Variants in GLP2R observed in about 807,000 individuals in gnomAD.
GLP2R encodes the protein glucagon-like peptide 2 receptor.
In GLP2R, 59 loss-of-function variants were observed where a neutral mutation model predicts 68.2. That is an observed-to-expected ratio of 0.87 (90% CI 0.70 to 1.07). The LOEUF (loss-of-function observed/expected upper bound fraction) is 1.07, where lower values mean the gene tolerates loss of function less well. GLP2R is among the 50% of genes least tolerant of loss of function. The pLI is 0.00. For missense variants in GLP2R, 548 were observed against 677.4 expected (o/e 0.81, Z 2.12); for synonymous variants, 270 against 265.4 (o/e 1.02, Z -0.17).
chr17:9,828,922 G>T (rs941360945), intron 1 of GLP2R, among the ~76,000 whole-genome samples: 21 of 152,174 alleles, frequency 1.4e-4, no homozygotes, highest in African/African-American at 5.1e-4. Context: ...TCTGTCCTCC[G>T]GGTGTGTCTG....
Position 9,854,518 on chromosome 17 carries a change from A to G in GLP2R, c.528A>G (p.Ser176=). 1 of 1,610,752 alleles carries G rather than the reference A, an allele frequency of 6.2e-7. No individual in the cohort carries two copies. Among genetic ancestry groups the G allele is most frequent in the Non-Finnish European group, 8.5e-7 (1 of 1,176,930 alleles). The part of the protein sequence containing the change: ...KQNVDRYALL[S]TLQLMYTVGY... ...AGGTGGATCGTTATGCCTTGCTGTC[A>G]ACCTTGCAGCTGATGTACACCGTGG... The change falls in exon 5 of 13, where the codon TCA becomes TCG. Residue 176 remains serine, a synonymous_variant. Coordinates refer to ENST00000262441, the MANE Select transcript of GLP2R (RefSeq NM_004246.3).
chr17:9,840,537 G>A (rs1043902636), intron 3 of GLP2R, among the ~76,000 whole-genome samples: 1 of 152,208 alleles, frequency 6.6e-6, no homozygotes, highest in East Asian at 1.9e-4. Context: ...GACAAAAACC[G>A]AGTAAGATCT....
chr17:9,884,528 A>G (rs17810376), intron 11 of GLP2R, among the ~76,000 whole-genome samples: 31,368 of 152,112 alleles, frequency 0.21, 4,252 homozygotes, highest in Non-Finnish European at 0.31. Context: ...CCAGTCTTAA[A>G]GGTCAAGTGC....
chr17:9,871,600 C>A (rs949773610), intron 10 of GLP2R, among the ~76,000 whole-genome samples: 1 of 152,062 alleles, frequency 6.6e-6, no homozygotes, highest in African/African-American at 2.4e-5. Context: ...CAGCAGTCCT[C>A]ATTCATAGTC....
At chr17:9,826,294 C>A in intron 1 of GLP2R, 42 bp downstream of exon 1, 1 of 1,443,902 alleles carries the variant, frequency 6.9e-7, no homozygotes, top group South Asian at 1.4e-5. Context: ...AGTTGTATTT[C>A]CTGATTTTTT....
intron 4 of GLP2R, among the ~76,000 whole-genome samples, chr17:9,852,159 C>G (rs1472081038): frequency 2.0e-5 from 3 of 151,776 alleles, no homozygotes; most frequent in African/African-American, 7.3e-5. Context: ...ACCCATCAAC[C>G]CATCATCTAG....
intron 11 of GLP2R, among the ~76,000 whole-genome samples, chr17:9,885,144 C>A (rs2067231073): frequency 7.6e-6 from 1 of 131,574 alleles, no homozygotes; most frequent in Admixed American, 8.2e-5. Flanking sequence ...AAAATAGTAA[C>A]CATTTTATTA....
chr17:9,887,169 T>A (rs994990931), intron 11 of GLP2R, among the ~76,000 whole-genome samples: 2 of 151,570 alleles, frequency 1.3e-5, no homozygotes, highest in Non-Finnish European at 2.9e-5. Context: ...CTGACAGCCC[T>A]GCCAGAAGCT....
intron 6 of GLP2R, among the ~76,000 whole-genome samples, chr17:9,858,341 A>T (rs966816453): frequency 6.6e-6 from 1 of 152,236 alleles, no homozygotes; most frequent in South Asian, 2.1e-4. Flanking sequence ...AATAAATCCA[A>T]CTAGGTTTTG....
chr17:9,870,332 A>G (rs936494245), intron 9 of GLP2R, among the ~76,000 whole-genome samples: 2 of 152,206 alleles, frequency 1.3e-5, no homozygotes, highest in African/African-American at 4.8e-5. Context: ...AAAGCCTGAC[A>G]TGGTGCTAAG....
Position 9,865,285 on chromosome 17 carries a change from T to A in GLP2R, c.1056+3195T>A, listed in dbSNP as rs574208271. On this transcript the variant is annotated intron_variant, in intron 9 of 12. Transcript: ENST00000262441. ...CATTTCCTTCTCCTTAATCCCTTGGTCTCTGCTCTTCTTTAGCCCCTTGTG... is the reference window on the plus strand; with the variant it reads ...CATTTCCTTCTCCTTAATCCCTTGGACTCTGCTCTTCTTTAGCCCCTTGTG... 2.0e-5 allele frequency among the ~76,000 whole-genome samples: 3 copies of A among 151,214 alleles called. No homozygotes were observed. In the East Asian group the frequency reaches 5.8e-4, roughly 29 times the overall value.
chr17:9,847,944 G>C (rs919067196), intron 4 of GLP2R, among the ~76,000 whole-genome samples: 1 of 152,158 alleles, frequency 6.6e-6, no homozygotes, highest in African/African-American at 2.4e-5. Context: ...GAGGCCAGGA[G>C]TTTGAGACCA....
chr17:9,872,770 A>G (rs551511497), intron 10 of GLP2R, among the ~76,000 whole-genome samples: 2 of 152,248 alleles, frequency 1.3e-5, no homozygotes, highest in East Asian at 3.9e-4. Context: ...CTGGTGTGTA[A>G]AAATGGGAGT....
intron 3 of GLP2R, among the ~76,000 whole-genome samples, chr17:9,838,222 C>G (rs1026428375): frequency 2.0e-5 from 3 of 152,132 alleles, no homozygotes; most frequent in Admixed American, 2.0e-4. Context: ...AGACCCAGTC[C>G]CTCTGTTTTA....
Position 9,880,518 on chromosome 17 carries a change from TA to T in GLP2R, c.1284+4del. 6.3e-7 allele frequency: 1 copy of T among 1,582,102 alleles called. No individual in the cohort carries two copies. The highest frequency in any genetic ancestry group is 1.2e-5 in the South Asian group (1 of 85,538). On this transcript the variant is annotated splice_donor_region_variant and intron_variant, in intron 11 of 12. Transcript: ENST00000262441. ...CAGTTGACACTGAGCTCCTTTCATG[TA>T]AGTAGAAATCTGAACCAAAATGCCT...
chr17:9,876,911 C>T (rs562526259), intron 10 of GLP2R, among the ~76,000 whole-genome samples: 10 of 152,212 alleles, frequency 6.6e-5, no homozygotes, highest in African/African-American at 2.4e-4. Context: ...TGTCAGATAC[C>T]ATTTTTTCTG....
intron 10 of GLP2R, among the ~76,000 whole-genome samples, chr17:9,874,005 C>A (rs1250503817): frequency 6.6e-6 from 1 of 152,040 alleles, no homozygotes; most frequent in Non-Finnish European, 1.5e-5. Flanking sequence ...TGAGCACATC[C>A]CTCCTCATGT....
chr17:9,859,397 G>A (rs1287928572), intron 6 of GLP2R, among the ~76,000 whole-genome samples: 2 of 152,026 alleles, frequency 1.3e-5, no homozygotes, highest in African/African-American at 4.8e-5. Context: ...TTAAGGAGGA[G>A]GCTGGCCTTG....
At chr17:9,854,081 A>G (rs767058883) in intron 4 of GLP2R, among the ~76,000 whole-genome samples, 9 of 152,248 alleles carry the variant, frequency 5.9e-5, no homozygotes, top group Non-Finnish European at 1.3e-4. Flanking sequence ...TTTACAAAGG[A>G]AACATTCAGA....
Sources: allele counts gnomAD v4.1 joint callset (sites outside exome capture counted in the v4.1 genomes callset), GRCh38; gene constraint gnomAD v4.1.1; transcripts MANE v1.5; gene names NCBI Gene and HGNC (gene_info 2026-07-23, HGNC 2026-07-21).